Variants in PRKCD observed in about 807,000 individuals in gnomAD.
PRKCD encodes protein kinase C delta.
In PRKCD, 20 loss-of-function variants were observed where a neutral mutation model predicts 82.2. The observed-to-expected ratio is 0.24, with a 90% CI of 0.17 to 0.35. PRKCD has a LOEUF of 0.35. PRKCD is among the 10% of genes least tolerant of loss of function. The pLI is 1.00. For missense variants in PRKCD, 607 were observed against 899.0 expected (o/e 0.68, Z 4.15); for synonymous variants, 317 against 337.0 (o/e 0.94, Z 0.65).
intron 18 of PRKCD, among the ~76,000 whole-genome samples, 190 bp from the exon 19 acceptor site, chr3:53,191,918 T>G (rs114584573): frequency 3.5e-4 from 54 of 152,328 alleles, no homozygotes; most frequent in African/African-American, 1.3e-3. Flanking sequence ...CTGGTCACTT[T>G]CCTCATCCTC....
intron 3 of PRKCD, 148 bp downstream of exon 3, chr3:53,178,685 C>T: frequency 1.5e-6 from 1 of 683,172 alleles, no homozygotes; most frequent in Non-Finnish European, 2.4e-6. Flanking sequence ...GCTATGAAGG[C>T]AGAGGCCACT....
rs541125967 is a variant in PRKCD, at chr3:53,173,899, A to G, written c.-19-4505A>G. Among the ~76,000 whole-genome samples the G allele has an allele frequency of 5.9e-5, 9 of 152,050 alleles. 1 individual carries two copies. Among genetic ancestry groups the G allele is most frequent in the Admixed American group, 2.0e-4 (3 of 15,290 alleles). On this transcript the variant is annotated intron_variant, in intron 2 of 18. Transcript: ENST00000330452. ...TTACCTCCCTGTTTTCTCTGTCTTC[A>G]TGTGTGTTTGTGTGTGCTGATCTCC...
At chr3:53,167,067 G>T (rs180708074) in intron 2 of PRKCD, among the ~76,000 whole-genome samples, 10 of 152,236 alleles carry the variant, frequency 6.6e-5, no homozygotes, top group Admixed American at 3.3e-4. Context: ...TGAGAGGTTG[G>T]CAGGGGCTGT....
intron 1 of PRKCD, among the ~76,000 whole-genome samples, chr3:53,162,677 G>A (rs376950085): frequency 9.4e-5 from 14 of 148,650 alleles, no homozygotes; most frequent in African/African-American, 3.5e-4. Context: ...TTCTTGGTGT[G>A]TTTGTTGTCA....
intron 7 of PRKCD, among the ~76,000 whole-genome samples, chr3:53,182,836 GC>G (rs1553668007): frequency 6.6e-6 from 1 of 152,200 alleles, no homozygotes; most frequent in African/African-American, 2.4e-5. Flanking sequence ...ATATTGCGAT[GC>G]CCTGTGCCCG....
chr3:53,162,374 C>T (rs575269734), intron 1 of PRKCD, among the ~76,000 whole-genome samples: 1 of 152,102 alleles, frequency 6.6e-6, no homozygotes, highest in Non-Finnish European at 1.5e-5. Context: ...AGGGGAGAGC[C>T]CCACCGAGCC....
At position 53,179,742 on chromosome 3, in the gene PRKCD, G is replaced by A. The variant is rs782250947; in HGVS notation, c.281G>A (p.Arg94His). 2.5e-6 allele frequency: 4 copies of A among 1,582,490 alleles called. No individual in the cohort carries two copies. The highest frequency in any genetic ancestry group is 2.6e-6 in the Non-Finnish European group (3 of 1,162,546). Residue 94 changes from arginine (R) to histidine (H), a missense_variant, in exon 4 of 19, where the codon CGC becomes CAC. Coordinates refer to ENST00000330452, the MANE Select transcript of PRKCD (RefSeq NM_006254.4). ...VTVGVSVLAE[R>H]CKKNNGKAEF... ...GTGGGTGTGTCGGTGCTGGCCGAGCGCTGCAAGAAGAACAATGGCAAGGCT... is the reference window on the plus strand; with the variant it reads ...GTGGGTGTGTCGGTGCTGGCCGAGCACTGCAAGAAGAACAATGGCAAGGCT...
intron 12 of PRKCD, 23 bp downstream of exon 12, chr3:53,186,050 C>T: frequency 6.2e-7 from 1 of 1,613,568 alleles, no homozygotes; most frequent in South Asian, 1.1e-5. Context: ...AGCCGGGCAC[C>T]TGCTTCCCAC....
At chr3:53,183,084 C>T (rs375262649) in intron 7 of PRKCD, 37 bp from the exon 8 acceptor site, 141 of 1,608,078 alleles carry the variant, frequency 8.8e-5, no homozygotes, top group Non-Finnish European at 1.2e-4. Context: ...CCTCCCGGTG[C>T]TTTCCCTTCC....
intron 18 of PRKCD, among the ~76,000 whole-genome samples, chr3:53,190,805 G>A (rs1387926067): frequency 2.0e-5 from 3 of 152,178 alleles, no homozygotes; most frequent in Non-Finnish European, 4.4e-5. Context: ...TGTGCTTTGA[G>A]GCTACAGAGC....
chr3:53,168,094 G>T (rs1248774208), intron 2 of PRKCD, among the ~76,000 whole-genome samples: 1 of 152,262 alleles, frequency 6.6e-6, no homozygotes, highest in African/African-American at 2.4e-5. Context: ...CTGGCCTCCT[G>T]CAGGACATTA....
intron 2 of PRKCD, among the ~76,000 whole-genome samples, chr3:53,167,290 A>T (rs17233475): frequency 0.079 from 11,998 of 152,184 alleles, 600 homozygotes; most frequent in Middle Eastern, 0.11. Context: ...CAGGCTTTTC[A>T]CTGCCAGGGC....
At chr3:53,166,108 C>T (rs186113702) in intron 2 of PRKCD, among the ~76,000 whole-genome samples, 146 of 152,252 alleles carry the variant, frequency 9.6e-4, no homozygotes, top group Admixed American at 7.6e-3. Flanking sequence ...CTGGCTGTTA[C>T]GCACCTATAG....
chr3:53,186,059 AC>A (rs1703670555), intron 12 of PRKCD, 32 bp downstream of exon 12: 1 of 1,612,624 alleles, frequency 6.2e-7, no homozygotes, highest in African/African-American at 1.3e-5. Flanking sequence ...CCTGCTTCCC[AC>A]CCCACCCTGG....
intron 2 of PRKCD, among the ~76,000 whole-genome samples, chr3:53,168,629 G>A (rs1336525372): frequency 5.3e-5 from 8 of 152,002 alleles, no homozygotes; most frequent in Admixed American, 2.6e-4. Context: ...AGATCACGGG[G>A]TGTGGTGTCC....
chr3:53,190,053 C>T (rs1553670523), intron 18 of PRKCD, 52 bp downstream of exon 18: 13 of 1,605,752 alleles, frequency 8.1e-6, no homozygotes, highest in Non-Finnish European at 1.1e-5. Flanking sequence ...CCTCTCCTGC[C>T]CTCCCTCTCT....
chr3:53,179,500 A>C, intron 3 of PRKCD, 77 bp from the exon 4 acceptor site: 5 of 1,578,554 alleles, frequency 3.2e-6, no homozygotes, highest in Non-Finnish European at 4.4e-6. Context: ...AGATTCTGCC[A>C]GGGGAAGGCC....
chr3:53,174,038 C>T (rs1356437273), intron 2 of PRKCD, among the ~76,000 whole-genome samples: 1 of 152,224 alleles, frequency 6.6e-6, no homozygotes, highest in Non-Finnish European at 1.5e-5. Context: ...TGGATTTATC[C>T]TTCCATCACT....
At chr3:53,175,094 G>A (rs1399318699) in intron 2 of PRKCD, among the ~76,000 whole-genome samples, 4 of 152,076 alleles carry the variant, frequency 2.6e-5, no homozygotes, top group Non-Finnish European at 5.9e-5. Flanking sequence ...GGAAGCCATG[G>A]AGCCTGTGGG....
Sources: allele counts gnomAD v4.1 joint callset (sites outside exome capture counted in the v4.1 genomes callset), GRCh38; gene constraint gnomAD v4.1.1; transcripts MANE v1.5; gene names NCBI Gene and HGNC (gene_info 2026-07-23, HGNC 2026-07-21).